The following STIM1 variants were observed in gnomAD, a reference collection of about 807,000 sequenced individuals.
STIM1 encodes the protein stromal interaction molecule 1.
STIM1 carries 25 observed loss-of-function variants against 74.7 expected under a neutral mutation model. The ratio of observed to expected loss-of-function variants is 0.33; its 90% CI spans 0.24 to 0.47. The LOEUF (loss-of-function observed/expected upper bound fraction) is 0.47. Among genes scored for constraint, STIM1 ranks in the 20% least tolerant of loss-of-function variants. The probability of loss-of-function intolerance (pLI) is 1.00; values close to 1 mark genes in which losing one functional copy is unlikely to be tolerated. For missense variants in STIM1, 728 were observed against 920.8 expected, an observed-to-expected ratio of 0.79 and a Z score of 2.71; for synonymous variants, 328 against 348.8, an observed-to-expected ratio of 0.94 and a Z score of 0.66.
chr11:4,090,400 C>G (rs2094517153), intron 12 of STIM1, among the ~76,000 whole-genome samples: 1 of 152,238 alleles, frequency 6.6e-6, no homozygotes, highest in Non-Finnish European at 1.5e-5. Context: ...TCTCCGTCAG[C>G]AGAGTTCTGA....
intron 1 of STIM1, among the ~76,000 whole-genome samples, 169 bp from the exon 2 acceptor site, chr11:3,967,383 T>C (rs968545856): frequency 3.9e-5 from 6 of 152,204 alleles, no homozygotes; most frequent in Non-Finnish European, 7.3e-5. Flanking sequence ...CAGCATTTTC[T>C]TGGGGAGACA....
intron 1 of STIM1, among the ~76,000 whole-genome samples, chr11:3,939,445 A>C (rs1335210649): frequency 1.3e-5 from 2 of 152,152 alleles, no homozygotes; most frequent in East Asian, 1.9e-4. Flanking sequence ...TCTCCCAACC[A>C]CTGCATTCCA....
At chr11:3,884,363 C>A (rs1393647386) in intron 1 of STIM1, among the ~76,000 whole-genome samples, 1 of 152,144 alleles carries the variant, frequency 6.6e-6, no homozygotes, top group Non-Finnish European at 1.5e-5. Flanking sequence ...TTGGCTTTCC[C>A]TTTCCCAAGT....
chr11:4,086,170 C>T (rs554354423), intron 11 of STIM1: 260 of 452,692 alleles, frequency 5.7e-4, no homozygotes, highest in Non-Finnish European at 8.9e-4. Context: ...TTATCCCAAG[C>T]CCCTATCCTA....
chr11:4,073,804 C>T (rs1437094740), intron 6 of STIM1, among the ~76,000 whole-genome samples: 1 of 152,170 alleles, frequency 6.6e-6, no homozygotes, highest in East Asian at 1.9e-4. Flanking sequence ...GAAAGGAACT[C>T]AGGGCCTGGG....
intron 1 of STIM1, among the ~76,000 whole-genome samples, chr11:3,940,885 A>ATATATT (rs1455178847): frequency 1.3e-5 from 2 of 152,196 alleles, no homozygotes; most frequent in African/African-American, 4.8e-5. Flanking sequence ...TGCCATATGC[A>ATATATT]TATATTTATA....
Position 4,021,974 on chromosome 11 carries a change from T to A in STIM1, c.271-1899T>A, listed in dbSNP as rs1470293161. 1.3e-5 allele frequency among the ~76,000 whole-genome samples: 2 copies of A among 152,140 alleles called. 1 individual carries two copies. Among genetic ancestry groups the A allele is most frequent in the South Asian group, 4.2e-4 (2 of 4,818 alleles). ...TAAATGGGATTTTTTTTAATTTCTT[T>A]TTCAGATTTGTTTACTAGCTCTAAC... On this transcript the variant is annotated intron_variant, in intron 2 of 12. Transcript: ENST00000526596.
intron 3 of STIM1, among the ~76,000 whole-genome samples, chr11:4,038,395 T>C (rs1481408890): frequency 1.3e-5 from 2 of 151,996 alleles, no homozygotes; most frequent in African/African-American, 4.8e-5. Flanking sequence ...GTAGCACATA[T>C]ACCCTAAAAC....
chr11:3,919,246 C>A (rs188791655), intron 1 of STIM1, among the ~76,000 whole-genome samples: 82 of 152,310 alleles, frequency 5.4e-4, no homozygotes, highest in Admixed American at 1.4e-3. Context: ...GCTCTTACTG[C>A]CCAGGCTGGA....
intron 1 of STIM1, among the ~76,000 whole-genome samples, chr11:3,895,661 T>C (rs1195117649): frequency 2.7e-4 from 7 of 26,348 alleles, no homozygotes; most frequent in Admixed American, 4.5e-4. Flanking sequence ...TTTCTTTCTT[T>C]CTTTCTTTCT....
chr11:3,856,836 C>T (rs2090392039), intron 1 of STIM1, among the ~76,000 whole-genome samples: 1 of 152,180 alleles, frequency 6.6e-6, no homozygotes, highest in Non-Finnish European at 1.5e-5. Flanking sequence ...GGCTGGGCCA[C>T]CTCTGTTGCC....
At chr11:3,974,966 A>G (rs553340685) in intron 2 of STIM1, among the ~76,000 whole-genome samples, 16 of 152,300 alleles carry the variant, frequency 1.1e-4, no homozygotes, top group African/African-American at 3.6e-4. Context: ...TGGAGCCTAC[A>G]TGGCAAATCA....
chr11:4,051,691 G>T (rs2094243497), intron 3 of STIM1, among the ~76,000 whole-genome samples: 1 of 151,972 alleles, frequency 6.6e-6, no homozygotes, highest in Non-Finnish European at 1.5e-5. Context: ...CCGTCACTCA[G>T]GCTAGAGTGC....
At chr11:3,887,711 G>T (rs570695037) in intron 1 of STIM1, among the ~76,000 whole-genome samples, 1 of 152,226 alleles carries the variant, frequency 6.6e-6, no homozygotes, top group South Asian at 2.1e-4. Context: ...GCTCACACCA[G>T]TAATCCTAGC....
chr11:4,047,820 C>CT (rs551025610), intron 3 of STIM1, among the ~76,000 whole-genome samples: 49,124 of 132,998 alleles, frequency 0.37, 9,423 homozygotes, highest in South Asian at 0.49. Flanking sequence ...ACCTGTCTCT[C>CT]TTTTTTTTTT....
At chr11:3,857,099 T>TTC (rs2090408800) in intron 1 of STIM1, among the ~76,000 whole-genome samples, 3 of 109,796 alleles carry the variant, frequency 2.7e-5, no homozygotes, top group Non-Finnish European at 6.3e-5. Flanking sequence ...GCTACAGGTT[T>TTC]TTTTTTTTGT....
At chr11:3,918,369 T>G (rs948806189) in intron 1 of STIM1, among the ~76,000 whole-genome samples, 1 of 151,832 alleles carries the variant, frequency 6.6e-6, no homozygotes, top group African/African-American at 2.4e-5. Flanking sequence ...ATACAAAAAT[T>G]AGCTGGGCGT....
intron 3 of STIM1, among the ~76,000 whole-genome samples, chr11:4,045,739 A>G (rs1444274112): frequency 6.8e-6 from 1 of 147,882 alleles, no homozygotes; most frequent in Non-Finnish European, 1.5e-5. Context: ...GTCATGAGCC[A>G]CCAAGTCCAT....
intron 12 of STIM1, among the ~76,000 whole-genome samples, chr11:4,087,332 G>T (rs1396408739): frequency 6.6e-6 from 1 of 152,204 alleles, no homozygotes; most frequent in Admixed American, 6.5e-5. Flanking sequence ...GGGGTGTTGA[G>T]GAAGGAGTGA....
Sources: allele counts gnomAD v4.1 joint callset (sites outside exome capture counted in the v4.1 genomes callset), GRCh38; gene constraint gnomAD v4.1.1; transcripts MANE v1.5; gene names NCBI Gene and HGNC (gene_info 2026-07-23, HGNC 2026-07-21).